Variants in SLC35G2 observed in about 807,000 individuals in gnomAD.
The protein encoded by SLC35G2 is solute carrier family 35 member G2, also known as transmembrane protein 22.
SLC35G2 carries 20 observed loss-of-function variants against 27.2 expected under a neutral mutation model. The observed-to-expected ratio is 0.74, with a 90% CI of 0.52 to 1.07. The LOEUF is 1.07. Among genes scored for constraint, SLC35G2 ranks in the 50% least tolerant of loss-of-function variants. The pLI is 0.00. For missense variants in SLC35G2, 416 were observed against 493.3 expected, an observed-to-expected ratio of 0.84 and a Z score of 1.48; for synonymous variants, 148 against 165.3, an observed-to-expected ratio of 0.90 and a Z score of 0.80.
intron 1 of SLC35G2, 83 bp downstream of exon 1, chr3:136,819,711 A>C (rs1345357198): frequency 1.3e-5 from 2 of 152,232 alleles, no homozygotes; most frequent in Non-Finnish European, 2.9e-5. Flanking sequence ...TATGGCCAAG[A>C]ATTTGTATTT....
rs182070568 is a variant in SLC35G2, at chr3:136,828,014, A to G, written c.-19+8386A>G. Among the ~76,000 whole-genome samples, 104 of 152,110 alleles carry G rather than the reference A, an allele frequency of 6.8e-4. 2 individuals are homozygous for G. In the East Asian group the frequency reaches 0.017, roughly 24 times the overall value. ...GCTAATTTTTGCATTTTCAGTAGAG[A>G]TGGGGTTTCGCCATGTTTGCCAGGC... On this transcript the variant is annotated intron_variant, in intron 1 of 1. Coordinates refer to ENST00000446465, the MANE Select transcript of SLC35G2 (RefSeq NM_025246.3).
rs1237561860 is a variant in SLC35G2, at chr3:136,855,666, C to G, written c.1206C>G (p.Asp402Glu). The G allele has an allele frequency of 6.2e-7, 1 of 1,608,708 alleles. No individual in the cohort carries two copies. Among genetic ancestry groups the G allele is most frequent in the Non-Finnish European group, 8.5e-7 (1 of 1,175,282 alleles). Residue 402 changes from aspartate (D) to glutamate (E), a missense_variant, in exon 2 of 2, where the codon GAC becomes GAG. By Grantham distance (45) the Asp-to-Glu change is conservative. Transcript: ENST00000446465. ...ACTGGAGGAATTTAAGAAAGCAGGA[C>G]TACCAGGAAATACTAGACTCTCCCA... ...KLYWRNLRKQDYQEILDSPIK is the reference protein window; with the variant it reads ...KLYWRNLRKQEYQEILDSPIK
At chr3:136,838,626 A>G (rs1343374162) in intron 1 of SLC35G2, 4 of 152,178 alleles carry the variant, frequency 2.6e-5, no homozygotes. Context: ...TTCATTTGGT[A>G]TATTTTTAAG....
chr3:136,853,633 C>G (rs1047388688), intron 1 of SLC35G2, among the ~76,000 whole-genome samples: 2 of 152,120 alleles, frequency 1.3e-5, no homozygotes, highest in Non-Finnish European at 2.9e-5. Context: ...CCTCCTGTCA[C>G]CTGAACCACC....
intron 1 of SLC35G2, chr3:136,842,503 A>AC (rs1474965233): frequency 2.0e-5 from 3 of 152,242 alleles, no homozygotes; most frequent in Admixed American, 1.3e-4. Context: ...TCAAGGGCAG[A>AC]CCAGACTGGG....
chr3:136,854,008 A>G (rs1424379754), intron 1 of SLC35G2, among the ~76,000 whole-genome samples: 1 of 152,224 alleles, frequency 6.6e-6, no homozygotes, highest in East Asian at 1.9e-4. Context: ...TATTATACAG[A>G]ATTGATTATA....
chr3:136,835,594 TAAC>T (rs1936846218), intron 1 of SLC35G2, among the ~76,000 whole-genome samples: 1 of 152,224 alleles, frequency 6.6e-6, no homozygotes, highest in African/African-American at 2.4e-5. Context: ...TCTGGTTTCT[TAAC>T]AAAGTTTCAC....
intron 1 of SLC35G2, chr3:136,842,451 C>G (rs1421150145): frequency 6.6e-6 from 1 of 152,228 alleles, no homozygotes; most frequent in Admixed American, 6.5e-5. Context: ...CCTGGCCAGG[C>G]CTTTCTGACA....
intron 1 of SLC35G2, among the ~76,000 whole-genome samples, chr3:136,828,580 G>T (rs112578666): frequency 3.3e-5 from 5 of 152,192 alleles, no homozygotes; most frequent in African/African-American, 9.6e-5. Context: ...TTTCATTGGC[G>T]TGGAATATCT....
intron 1 of SLC35G2, among the ~76,000 whole-genome samples, chr3:136,836,322 T>G (rs1936865227): frequency 6.6e-6 from 1 of 152,178 alleles, no homozygotes; most frequent in Admixed American, 6.5e-5. Flanking sequence ...CCTCGATATA[T>G]TTAACTATTT....
intron 1 of SLC35G2, among the ~76,000 whole-genome samples, chr3:136,849,336 C>T (rs1937533881): frequency 6.6e-6 from 1 of 151,692 alleles, no homozygotes; most frequent in Admixed American, 6.6e-5. Flanking sequence ...TATATTTTAT[C>T]ATTATACTTT....
intron 1 of SLC35G2, among the ~76,000 whole-genome samples, chr3:136,831,380 A>AT (rs1247461644): frequency 6.6e-6 from 1 of 152,160 alleles, no homozygotes; most frequent in Admixed American, 6.6e-5. Flanking sequence ...GGACTCATTC[A>AT]TTTTTCCAGC....
intron 1 of SLC35G2, among the ~76,000 whole-genome samples, chr3:136,830,572 C>T (rs528258728): frequency 1.2e-3 from 190 of 152,096 alleles, no homozygotes; most frequent in African/African-American, 3.6e-3. Context: ...CATGAGCCAC[C>T]GCGCCTGGCC....
intron 1 of SLC35G2, among the ~76,000 whole-genome samples, chr3:136,823,128 T>C (rs542416385): frequency 6.6e-6 from 1 of 152,218 alleles, no homozygotes; most frequent in Non-Finnish European, 1.5e-5. Context: ...TGATATCTCA[T>C]TGTAGTTTTG....
chr3:136,850,680 A>G (rs1937595101), intron 1 of SLC35G2, among the ~76,000 whole-genome samples: 1 of 152,052 alleles, frequency 6.6e-6, no homozygotes, highest in Non-Finnish European at 1.5e-5. Flanking sequence ...AAAAATATAC[A>G]AAGTTGTTGA....
intron 1 of SLC35G2, among the ~76,000 whole-genome samples, chr3:136,853,228 T>C (rs1247789907): frequency 6.6e-6 from 1 of 152,118 alleles, no homozygotes; most frequent in Non-Finnish European, 1.5e-5. Flanking sequence ...CCCGAGTAGC[T>C]GGAATTACAG....
chr3:136,824,927 G>A (rs1180618390), intron 1 of SLC35G2, among the ~76,000 whole-genome samples: 1 of 151,928 alleles, frequency 6.6e-6, no homozygotes, highest in Admixed American at 6.6e-5. Context: ...TACCAGCCCT[G>A]GTATGTGATG....
At chr3:136,822,487 G>C (rs777631747) in intron 1 of SLC35G2, among the ~76,000 whole-genome samples, 4 of 152,088 alleles carry the variant, frequency 2.6e-5, no homozygotes, top group Non-Finnish European at 5.9e-5. Context: ...GCTAATTTTT[G>C]TATTTTTAGT....
At chr3:136,829,715 C>T (rs1201123546) in intron 1 of SLC35G2, among the ~76,000 whole-genome samples, 1 of 151,696 alleles carries the variant, frequency 6.6e-6, no homozygotes, top group Non-Finnish European at 1.5e-5. Flanking sequence ...TTTTTTTTCC[C>T]CCTTGGCACT....
Sources: gnomAD v4.1 joint callset for allele counts (sites outside exome capture counted in the v4.1 genomes callset) on GRCh38, gnomAD v4.1.1 for gene constraint, MANE v1.5 for transcripts, NCBI Gene and HGNC (gene_info 2026-07-23, HGNC 2026-07-21) for gene names.